The following DEPDC4 variants were observed in gnomAD, a reference collection of about 807,000 sequenced individuals.
DEPDC4 encodes the protein DEP domain-containing protein 4.
DEPDC4 carries 52 observed loss-of-function variants against 52.0 expected under a neutral mutation model. The observed-to-expected ratio is 1.00, with a 90% CI of 0.80 to 1.26. DEPDC4 has a LOEUF of 1.26. Ranked by LOEUF, DEPDC4 falls within the 50% of genes most tolerant of loss-of-function variation. DEPDC4 has a pLI of 0.00. For missense variants in DEPDC4, 530 were observed against 546.9 expected (o/e 0.97, Z 0.31); for synonymous variants, 201 against 196.8 (o/e 1.02, Z -0.18).
intron 1 of DEPDC4, among the ~76,000 whole-genome samples, chr12:100,266,150 T>C (rs1295848645): frequency 1.3e-5 from 2 of 152,048 alleles, no homozygotes. Context: ...ATGTTTTTTC[T>C]AGATTTGCAG....
Position 100,252,114 on chromosome 12 carries a change from G to A in DEPDC4, c.1374+62C>T, listed in dbSNP as rs563135878. On this transcript the variant is annotated intron_variant, in intron 7 of 9. Transcript: ENST00000550587. ...AAATTATTTACTAAGTGAATGATTT[G>A]CTTTTCTGCTTGACACAAGTAGCTT... The A allele has an allele frequency of 3.4e-4, 375 of 1,108,190 alleles. 5 individuals are homozygous for A. In the South Asian group the frequency reaches 8.1e-3, roughly 24 times the overall value. The allele number at this position is 1,108,190 out of a possible 1,614,324, so 68.6% of individuals were successfully genotyped here.
intron 8 of DEPDC4, among the ~76,000 whole-genome samples, chr12:100,243,527 A>G (rs1010865504): frequency 1.3e-5 from 2 of 152,114 alleles, no homozygotes; most frequent in African/African-American, 4.8e-5. Flanking sequence ...ATTTACATCC[A>G]TATACGCTCA....
upstream of DEPDC4, among the ~76,000 whole-genome samples, chr12:100,269,804 A>G (rs2096285366): frequency 6.6e-6 from 1 of 152,134 alleles, no homozygotes. Flanking sequence ...CTTTCTCAGG[A>G]TACAGATATA....
the DEPDC4 span, among the ~76,000 whole-genome samples, chr12:100,274,509 T>C: frequency 3.9e-5 from 6 of 152,220 alleles, no homozygotes; most frequent in Non-Finnish European, 8.8e-5. Context: ...TATTAACATC[T>C]GTCCTGAAAG....
intron 7 of DEPDC4, among the ~76,000 whole-genome samples, chr12:100,249,183 T>A (rs981842657): frequency 1.3e-5 from 2 of 152,206 alleles, no homozygotes; most frequent in African/African-American, 4.8e-5. Context: ...ATTTTCTGCC[T>A]TCATGTGTGT....
At chr12:100,259,334 A>C (rs958553600) in intron 3 of DEPDC4, among the ~76,000 whole-genome samples, 2 of 152,142 alleles carry the variant, frequency 1.3e-5, no homozygotes, top group Admixed American at 6.6e-5. Flanking sequence ...AAGAAGATGA[A>C]ATTGATAAAA....
rs1411504644 is a variant in DEPDC4, at chr12:100,253,541, G to A, written c.1053C>T (p.Cys351=). ...TATCAAAATACTCATCAGTTAATAGGCAATCTCTCTCTTGAGCATAGTATT... is the reference window on the plus strand; with the variant it reads ...TATCAAAATACTCATCAGTTAATAGACAATCTCTCTCTTGAGCATAGTATT... The part of the protein sequence containing the change: ...IAKYYAQERD[C]LLTDEYFDIH... The change falls in exon 5 of 10, where the codon TGC becomes TGT. Residue 351 remains cysteine, a synonymous_variant. Coordinates refer to ENST00000550587, the MANE Select transcript of DEPDC4 (RefSeq NM_001364818.2). The A allele has an allele frequency of 7.8e-7, 1 of 1,287,696 alleles. No individual in the cohort carries two copies. Among genetic ancestry groups the A allele is most frequent in the South Asian group, 1.2e-5 (1 of 80,906 alleles). 79.8% of individuals were successfully genotyped at this position (1,287,696 alleles called of 1,614,324 possible).
Position 100,253,670 on chromosome 12 carries a change from G to C in DEPDC4, c.924C>G (p.Phe308Leu), listed in dbSNP as rs1383392612. The change falls in exon 5 of 10, where the codon TTC (phenylalanine) becomes TTG (leucine). Residue 308 changes from phenylalanine (F) to leucine (L), a missense_variant. By Grantham distance (22) the Phe-to-Leu change is conservative. Transcript: ENST00000550587. ...LNAAIECLEY[F>L]PDQLIVTVSQ... ...TAACTGTAACTATTAACTGGTCAGG[G>C]AAATACTCCAAGCATTCAATTGCTG... 3 of 1,289,804 alleles carry C rather than the reference G, an allele frequency of 2.3e-6. No individual in the cohort carries two copies. The East Asian group carries it at 1.7e-4, about 72-fold the overall frequency. 79.9% of individuals were successfully genotyped at this position (1,289,804 alleles called of 1,614,324 possible).
At chr12:100,276,975 T>C in the DEPDC4 span, among the ~76,000 whole-genome samples, 1 of 152,154 alleles carries the variant, frequency 6.6e-6, no homozygotes, top group Admixed American at 6.5e-5. Context: ...TTTAAAAATT[T>C]CTTTGTGATT....
At chr12:100,266,707 T>C (rs141107882) in intron 1 of DEPDC4, among the ~76,000 whole-genome samples, 2,438 of 152,322 alleles carry the variant, frequency 0.016, 35 homozygotes, top group Non-Finnish European at 0.022. Context: ...GAAAAAACGC[T>C]TTCCTGCACG....
chr12:100,246,736 A>C (rs1262363360), intron 8 of DEPDC4, among the ~76,000 whole-genome samples: 1 of 152,162 alleles, frequency 6.6e-6, no homozygotes, highest in Non-Finnish European at 1.5e-5. Context: ...CAGGAGTTCG[A>C]GACCAGCCTG....
intron 4 of DEPDC4, 45 bp from the exon 5 acceptor site, chr12:100,253,760 C>A: frequency 9.7e-7 from 1 of 1,031,700 alleles, no homozygotes; most frequent in South Asian, 1.4e-5. Flanking sequence ...GTTAACATTT[C>A]CATTTAACTA....
rs780866361 is a variant in DEPDC4, at chr12:100,256,093, G to A, written c.834C>T (p.Asn278=). ...LNKEEDLVIT[N]TCLDRELIPS... is the part of the protein sequence containing the mutation. ...GAATAAGTTCTCTGTCTAGGCAAGT[G>A]TTAGTGATAACAAGATCTTCCTCTT... Residue 278 remains asparagine (N), a synonymous_variant, in exon 4 of 10, where the codon AAC becomes AAT. Coordinates refer to ENST00000550587, the MANE Select transcript of DEPDC4 (RefSeq NM_001364818.2). 1.9e-6 allele frequency: 3 copies of A among 1,613,100 alleles called. No individual in the cohort carries two copies. Among genetic ancestry groups the A allele is most frequent in the South Asian group, 1.1e-5 (1 of 91,008 alleles).
intron 3 of DEPDC4, among the ~76,000 whole-genome samples, chr12:100,261,038 G>A (rs147268278): frequency 0.015 from 2,233 of 150,584 alleles, 63 homozygotes; most frequent in African/African-American, 0.052. Flanking sequence ...AAAATTAGCC[G>A]GGTGTGGTGG....
intron 9 of DEPDC4, among the ~76,000 whole-genome samples, chr12:100,233,598 G>A (rs17030060): frequency 0.017 from 2,571 of 152,306 alleles, 70 homozygotes; most frequent in African/African-American, 0.059. Flanking sequence ...ACCTGGCATA[G>A]CTGAAAAGCT....
intron 5 of DEPDC4, 124 bp from the exon 6 acceptor site, chr12:100,252,660 T>A: frequency 1.2e-5 from 10 of 859,468 alleles, no homozygotes; most frequent in Non-Finnish European, 1.7e-5. Flanking sequence ...TTTTCTACAA[T>A]TAAAATTTTT....
At chr12:100,259,959 T>TTA (rs1555312988) in intron 3 of DEPDC4, among the ~76,000 whole-genome samples, 8 of 151,136 alleles carry the variant, frequency 5.3e-5, no homozygotes, top group South Asian at 2.1e-4. Context: ...TTTTTTTTTT[T>TTA]AATGTGATCC....
In DEPDC4 at chr12:100,263,969, C is replaced by T. The variant is rs1262028470; in HGVS notation, c.158-76G>A. Reference sequence around the variant, plus strand: ...ATGCAAATTTTTCAGTTTTGACAACCTTATGCTTGTTGAAGGCATATCTGC... The same window carrying T: ...ATGCAAATTTTTCAGTTTTGACAACTTTATGCTTGTTGAAGGCATATCTGC... On this transcript the variant is annotated intron_variant, in intron 1 of 9. Coordinates refer to ENST00000550587, the MANE Select transcript of DEPDC4 (RefSeq NM_001364818.2). 3.6e-6 allele frequency: 5 copies of T among 1,379,038 alleles called. No homozygotes were observed. The African/African-American group carries it at 7.3e-5, about 20-fold the overall frequency. The allele number at this position is 1,379,038 out of a possible 1,614,324, so 85.4% of individuals were successfully genotyped here.
the DEPDC4 span, among the ~76,000 whole-genome samples, chr12:100,276,844 C>T: frequency 6.6e-6 from 1 of 151,918 alleles, no homozygotes; most frequent in Non-Finnish European, 1.5e-5. Flanking sequence ...GAAGCTTAGA[C>T]CATTATTTTG....
Sources: allele counts gnomAD v4.1 joint callset (sites outside exome capture counted in the v4.1 genomes callset), GRCh38; gene constraint gnomAD v4.1.1; transcripts MANE v1.5; gene names NCBI Gene and HGNC (gene_info 2026-07-23, HGNC 2026-07-21).